Variants in TRAPPC9 observed in about 807,000 individuals in gnomAD.
TRAPPC9 encodes the protein trafficking protein particle complex subunit 9.
Under a neutral mutation model 124.0 loss-of-function variants are expected in TRAPPC9, and 83 were observed. The ratio of observed to expected loss-of-function variants is 0.67; its 90% CI spans 0.56 to 0.80. The LOEUF (loss-of-function observed/expected upper bound fraction) is 0.80, where lower values mean the gene tolerates loss of function less well. TRAPPC9 is among the 30% of genes least tolerant of loss of function. TRAPPC9 has a pLI of 0.00. For missense variants in TRAPPC9, 1,302 were observed against 1,508.3 expected (o/e 0.86, Z 2.27); for synonymous variants, 638 against 617.5 (o/e 1.03, Z -0.49).
chr8:140,034,875 A>C (rs2131990966), intron 17 of TRAPPC9, among the ~76,000 whole-genome samples: 1 of 152,360 alleles, frequency 6.6e-6, no homozygotes, highest in Non-Finnish European at 1.5e-5. Flanking sequence ...CTCCCAGAGA[A>C]AGGCTAAGGA....
chr8:139,908,811 C>A (rs554245407), intron 20 of TRAPPC9: 1 of 152,202 alleles, frequency 6.6e-6, no homozygotes, highest in South Asian at 2.1e-4. Context: ...GACTTTGTGC[C>A]AAGCTCTGTG....
chr8:140,017,732 A>T (rs1336600137), intron 18 of TRAPPC9, among the ~76,000 whole-genome samples: 1 of 152,212 alleles, frequency 6.6e-6, no homozygotes, highest in African/African-American at 2.4e-5. Context: ...TAATTTTATA[A>T]TTCCACTAAA....
chr8:139,900,642 T>C (rs1830960614), intron 20 of TRAPPC9, among the ~76,000 whole-genome samples: 1 of 152,370 alleles, frequency 6.6e-6, no homozygotes, highest in South Asian at 2.1e-4. Context: ...TTGGGAACTA[T>C]GAGTGTTCAC....
At chr8:140,456,206 G>C (rs984558414) in intron 1 of TRAPPC9, among the ~76,000 whole-genome samples, 1 of 152,086 alleles carries the variant, frequency 6.6e-6, no homozygotes, top group Non-Finnish European at 1.5e-5. Context: ...TCAGGAGTTC[G>C]AGAGCAGCCT....
Position 140,019,677 on chromosome 8 carries a change from C to T in TRAPPC9, c.2699+4260G>A, listed in dbSNP as rs1036044860. Among the ~76,000 whole-genome samples, 6 of 149,718 alleles carry T rather than the reference C, an allele frequency of 4.0e-5. No homozygotes were observed. The South Asian group carries it at 1.3e-3, about 32-fold the overall frequency. On this transcript the variant is annotated intron_variant, in intron 18 of 22. Transcript: ENST00000438773. ...AAGCGATTCTCATGCCTCAGCCTTC[C>T]GAGTGGCTGGAATTACAGGCATGCA...
chr8:139,919,676 C>A (rs1450431777), intron 19 of TRAPPC9, among the ~76,000 whole-genome samples: 1 of 152,200 alleles, frequency 6.6e-6, no homozygotes, highest in Non-Finnish European at 1.5e-5. Flanking sequence ...GGTAACACTT[C>A]ACTCAAGCTA....
intron 8 of TRAPPC9, among the ~76,000 whole-genome samples, chr8:140,366,788 C>T (rs1341790337): frequency 6.6e-6 from 1 of 152,112 alleles, no homozygotes; most frequent in Non-Finnish European, 1.5e-5. Context: ...AATGAGAAAA[C>T]AAGACACAGA....
intron 17 of TRAPPC9, among the ~76,000 whole-genome samples, chr8:140,208,099 G>T (rs916421481): frequency 1.3e-5 from 2 of 151,066 alleles, no homozygotes; most frequent in Admixed American, 6.6e-5. Flanking sequence ...GCAGTGTGCC[G>T]AGATCGCACC....
At chr8:140,389,000 C>T (rs1336623683) in intron 7 of TRAPPC9, among the ~76,000 whole-genome samples, 4 of 146,958 alleles carry the variant, frequency 2.7e-5, no homozygotes, top group African/African-American at 5.1e-5. Flanking sequence ...TCTTGTCACC[C>T]AGGCTGGAGT....
intron 17 of TRAPPC9, among the ~76,000 whole-genome samples, chr8:140,054,250 A>G (rs1842172144): frequency 6.6e-6 from 1 of 152,238 alleles, no homozygotes; most frequent in Admixed American, 6.5e-5. Context: ...GTTCCACAGA[A>G]GCCCAAACCC....
intron 18 of TRAPPC9, among the ~76,000 whole-genome samples, chr8:139,993,750 A>T (rs1010566130): frequency 6.6e-6 from 1 of 152,020 alleles, no homozygotes; most frequent in Non-Finnish European, 1.5e-5. Flanking sequence ...GACAAATCTC[A>T]TATTAAAACT....
At chr8:140,312,332 C>T (rs2066319225) in intron 9 of TRAPPC9, among the ~76,000 whole-genome samples, 1 of 152,126 alleles carries the variant, frequency 6.6e-6, no homozygotes, top group Non-Finnish European at 1.5e-5. Flanking sequence ...GGGATGACAC[C>T]TAGAACAGCG....
chr8:140,340,767 A>G lies in TRAPPC9; in HGVS notation c.1495+19283T>C, dbSNP rs1460274670. Among the ~76,000 whole-genome samples, 10 of 152,232 alleles carry G rather than the reference A, an allele frequency of 6.6e-5. No homozygotes were observed. The East Asian group carries it at 1.9e-3, about 29-fold the overall frequency. On this transcript the variant is annotated intron_variant, in intron 9 of 22. Coordinates refer to ENST00000438773, the MANE Select transcript of TRAPPC9 (RefSeq NM_001160372.4). ...CCCCTTCCTACACATGCAGTAGCCC[A>G]GGCCCAGGGGCAGTCAGCATCTTCC...
intron 2 of TRAPPC9, among the ~76,000 whole-genome samples, chr8:140,444,933 C>T (rs1391562889): frequency 6.6e-6 from 1 of 151,838 alleles, no homozygotes; most frequent in Non-Finnish European, 1.5e-5. Flanking sequence ...ACCCAGGGGT[C>T]AGCCCGGGGC....
In TRAPPC9 at chr8:140,122,092, G is replaced by A. The variant is rs190416857; in HGVS notation, c.2557-98013C>T. On this transcript the variant is annotated intron_variant, in intron 17 of 22. Coordinates refer to ENST00000438773, the MANE Select transcript of TRAPPC9 (RefSeq NM_001160372.4). ...CTCTCCCTCCTACACTGTCTTTGAG[G>A]ATGCAAACAGTCATGCTGGGAAACT... 5.6e-3 allele frequency among the ~76,000 whole-genome samples: 831 copies of A among 148,988 alleles called. 8 individuals carry two copies. The highest frequency in any genetic ancestry group is 0.02 in the African/African-American group (795 of 40,316).
At chr8:140,278,541 C>G (rs145596951) in intron 14 of TRAPPC9, among the ~76,000 whole-genome samples, 1 of 152,336 alleles carries the variant, frequency 6.6e-6, no homozygotes, top group African/African-American at 2.4e-5. Context: ...CAGAAAAGCA[C>G]GCTAGCAGTA....
intron 18 of TRAPPC9, among the ~76,000 whole-genome samples, chr8:140,013,860 G>A (rs1839289530): frequency 6.6e-6 from 1 of 152,192 alleles, no homozygotes; most frequent in Admixed American, 6.5e-5. Context: ...CAAGATGAAG[G>A]AAAAATGATG....
chr8:139,861,807 T>G (rs545651803), intron 21 of TRAPPC9, among the ~76,000 whole-genome samples: 58 of 152,194 alleles, frequency 3.8e-4, no homozygotes, highest in Middle Eastern at 3.4e-3. Context: ...CTGTCTCCCC[T>G]GCCTGCCATG....
At chr8:140,362,371 A>C (rs2132188600) in intron 8 of TRAPPC9, among the ~76,000 whole-genome samples, 1 of 152,266 alleles carries the variant, frequency 6.6e-6, no homozygotes, top group East Asian at 1.9e-4. Context: ...AAAACCAATA[A>C]AGTAAAAATA....
Sources: allele counts gnomAD v4.1 joint callset (sites outside exome capture counted in the v4.1 genomes callset), GRCh38; gene constraint gnomAD v4.1.1; transcripts MANE v1.5; gene names NCBI Gene and HGNC (gene_info 2026-07-23, HGNC 2026-07-21).